The following CREB5 variants were observed in gnomAD, a reference collection of about 807,000 sequenced individuals.
CREB5 encodes the protein cyclic AMP-responsive element-binding protein 5.
In CREB5, 19 loss-of-function variants were observed where a neutral mutation model predicts 57.1. That is an observed-to-expected ratio of 0.33 (90% CI 0.23 to 0.49). CREB5 has a LOEUF of 0.49. Among genes scored for constraint, CREB5 ranks in the 20% least tolerant of loss-of-function variants. The probability of loss-of-function intolerance (pLI) is 0.99; values close to 1 mark genes in which losing one functional copy is unlikely to be tolerated. For synonymous variants in CREB5, 238 were observed against 238.3 expected (o/e 1.00, Z 0.01); for missense variants, 579 against 671.6 (o/e 0.86, Z 1.52).
In CREB5 at chr7:28,377,459, G is replaced by A. The variant is rs139720070; in HGVS notation, c.-25+78018G>A. On this transcript the variant is annotated intron_variant, in intron 1 of 9. Coordinates refer to the CREB5 transcript ENST00000396299. ...TAGTAACTAGAAAATTTTAAATTGC[G>A]CATGTGGCTGGCATTATATTCCTAC... 2.1e-3 allele frequency among the ~76,000 whole-genome samples: 312 copies of A among 150,746 alleles called. 1 individual carries two copies. The highest frequency in any genetic ancestry group is 7.0e-3 in the African/African-American group (289 of 41,040).
rs148711312 is a variant in CREB5 at position 28,661,266 on chromosome 7, A to G, written c.465-57487A>G. ...CATTCCTAGTTGTCCTTCCCCTGGT[A>G]CAGCCCACTCTGCTGCCATAGCATT... On this transcript the variant is annotated intron_variant, in intron 5 of 10. Coordinates refer to ENST00000357727, the MANE Select transcript of CREB5 (RefSeq NM_182898.4). 2.8e-3 allele frequency among the ~76,000 whole-genome samples: 420 copies of G among 152,258 alleles called. 2 individuals carry two copies. Among genetic ancestry groups the G allele is most frequent in the African/African-American group, 9.4e-3 (389 of 41,540 alleles).
intron 7 of CREB5, among the ~76,000 whole-genome samples, chr7:28,783,304 A>G (rs1414039059): frequency 6.6e-6 from 1 of 152,302 alleles, no homozygotes; most frequent in East Asian, 1.9e-4. Context: ...TAGCCAGCTG[A>G]TGAACCAGAA....
intron 4 of CREB5, among the ~76,000 whole-genome samples, chr7:28,559,030 C>T (rs1486691542): frequency 6.6e-6 from 1 of 152,172 alleles, no homozygotes; most frequent in Non-Finnish European, 1.5e-5. Flanking sequence ...TTTAAATACC[C>T]TTTCGTCTCC....
intron 1 of CREB5, 110 bp downstream of exon 1, chr7:28,413,027 T>A (rs1225155167): frequency 1.9e-6 from 2 of 1,049,594 alleles, no homozygotes; most frequent in Non-Finnish European, 2.6e-6. Context: ...GAGTTTAGAT[T>A]TTGCACAAAA....
chr7:28,533,752 G>C (rs1793836635), intron 4 of CREB5, among the ~76,000 whole-genome samples: 1 of 152,098 alleles, frequency 6.6e-6, no homozygotes, highest in South Asian at 2.1e-4. Context: ...TTTACTTCTT[G>C]ATACAGCAAC....
At chr7:28,703,294 A>G (rs1440085427) in intron 5 of CREB5, among the ~76,000 whole-genome samples, 5 of 152,174 alleles carry the variant, frequency 3.3e-5, no homozygotes, top group African/African-American at 1.2e-4. Context: ...TTGGGGGTGG[A>G]GTGAATAGAA....
At chr7:28,472,212 G>T (rs1316842712) in intron 1 of CREB5, among the ~76,000 whole-genome samples, 1 of 151,032 alleles carries the variant, frequency 6.6e-6, no homozygotes, top group Non-Finnish European at 1.5e-5. Flanking sequence ...GGATTGAAAA[G>T]GCTTCCACAT....
chr7:28,717,203 C>T (rs141003423), intron 5 of CREB5, among the ~76,000 whole-genome samples: 25 of 147,380 alleles, frequency 1.7e-4, no homozygotes, highest in African/African-American at 3.0e-4. Context: ...AGATTACAGA[C>T]GTGCGCCACC....
chr7:28,403,124 A>G (rs1290500232), intron 1 of CREB5, among the ~76,000 whole-genome samples: 1 of 152,226 alleles, frequency 6.6e-6, no homozygotes, highest in African/African-American at 2.4e-5. Context: ...GATGGCTTCA[A>G]CTAGAACATC....
intron 1 of CREB5, among the ~76,000 whole-genome samples, chr7:28,484,669 G>A (rs1791483950): frequency 6.6e-6 from 1 of 152,138 alleles, no homozygotes; most frequent in Non-Finnish European, 1.5e-5. Flanking sequence ...GTAATACATT[G>A]ATACAGACTC....
In CREB5 at chr7:28,577,427, A is replaced by G. The variant is rs142549019; in HGVS notation, c.464+6890A>G. On this transcript the variant is annotated intron_variant, in intron 5 of 10. Transcript: ENST00000357727. ...GGTCCTAACATATGAAGTCAGAGAC[A>G]CTTGACTTCTAGGCTCAACTCCTAG... is the stretch of plus-strand genomic sequence containing the variant. 6.9e-3 allele frequency among the ~76,000 whole-genome samples: 1,050 copies of G among 152,340 alleles called. 8 individuals are homozygous for G. The highest frequency in any genetic ancestry group is 0.028 in the South Asian group (137 of 4,826).
At chr7:28,584,855 G>C (rs1457041248) in intron 5 of CREB5, among the ~76,000 whole-genome samples, 1 of 151,460 alleles carries the variant, frequency 6.6e-6, no homozygotes, top group East Asian at 1.9e-4. Context: ...TACATTAAGA[G>C]AAAAAGCCAA....
intron 5 of CREB5, among the ~76,000 whole-genome samples, chr7:28,707,386 C>T (rs1019121750): frequency 5.3e-5 from 8 of 152,128 alleles, no homozygotes; most frequent in African/African-American, 1.4e-4. Context: ...GTAGTTTTTG[C>T]CAATGAGAAA....
intron 7 of CREB5, among the ~76,000 whole-genome samples, chr7:28,792,470 G>A (rs1807774099): frequency 6.6e-6 from 1 of 152,170 alleles, no homozygotes; most frequent in South Asian, 2.1e-4. Flanking sequence ...TGATTTGGAT[G>A]CGTATCAGCT....
At chr7:28,612,469 A>G (rs1797428378) in intron 5 of CREB5, among the ~76,000 whole-genome samples, 1 of 151,908 alleles carries the variant, frequency 6.6e-6, no homozygotes, top group Non-Finnish European at 1.5e-5. Context: ...TTGTTTATTC[A>G]GTTATAGGTA....
intron 5 of CREB5, among the ~76,000 whole-genome samples, chr7:28,681,924 T>C (rs1163319730): frequency 6.6e-6 from 1 of 152,186 alleles, no homozygotes; most frequent in Non-Finnish European, 1.5e-5. Context: ...AAAAACACTA[T>C]AGGAAGCAGA....
intron 7 of CREB5, among the ~76,000 whole-genome samples, chr7:28,792,948 C>G (rs1184994823): frequency 6.6e-6 from 1 of 152,166 alleles, no homozygotes; most frequent in Non-Finnish European, 1.5e-5. Flanking sequence ...CACAGGCAGA[C>G]CTCCTCTTTA....
At chr7:28,560,866 C>CGCGCGTGCGTGCGCGCGCGTGCGTG (rs1562797336) in intron 4 of CREB5, among the ~76,000 whole-genome samples, 10 of 50,264 alleles carry the variant, frequency 2.0e-4, no homozygotes, top group Non-Finnish European at 4.3e-4. Context: ...GTGCGTGTGC[C>CGCGCGTGCGTGCGCGCGCGTGCGTG]TGCGTGCGCG....
At chr7:28,544,838 A>G (rs180905030) in intron 4 of CREB5, among the ~76,000 whole-genome samples, 5 of 152,308 alleles carry the variant, frequency 3.3e-5, no homozygotes, top group East Asian at 3.9e-4. Context: ...ATGGGAGAGT[A>G]TGGGACGGAA....
Sources: gnomAD v4.1 joint callset for allele counts (sites outside exome capture counted in the v4.1 genomes callset) on GRCh38, gnomAD v4.1.1 for gene constraint, MANE v1.5 for transcripts, NCBI Gene and HGNC (gene_info 2026-07-23, HGNC 2026-07-21) for gene names.